Variants in MDM4 observed in about 807,000 individuals in gnomAD.
The protein encoded by MDM4 is protein Mdm4.
Under a neutral mutation model 60.2 loss-of-function variants are expected in MDM4, and 2 were observed. The ratio of observed to expected loss-of-function variants is 0.03; its 90% CI spans 0.01 to 0.10. MDM4 has a LOEUF of 0.10. Ranked by LOEUF, MDM4 falls within the 10% of genes least tolerant of loss-of-function variation. The pLI, the probability that MDM4 is intolerant of heterozygous loss-of-function variation, is 1.00. For missense variants in MDM4, 447 were observed against 577.5 expected, an observed-to-expected ratio of 0.77 and a Z score of 2.32; for synonymous variants, 202 against 198.1, an observed-to-expected ratio of 1.02 and a Z score of -0.17.
At chr1:204,547,608 A>G (rs1337350857) in intron 10 of MDM4, among the ~76,000 whole-genome samples, 1 of 152,210 alleles carries the variant, frequency 6.6e-6, no homozygotes, top group African/African-American at 2.4e-5. Context: ...CCACCACACC[A>G]CTGTTGAGCA....
intron 1 of MDM4, among the ~76,000 whole-genome samples, chr1:204,517,628 C>T (rs7546645): frequency 6.1e-4 from 93 of 152,138 alleles, no homozygotes; most frequent in African/African-American, 2.1e-3. Context: ...TCTCGAACTC[C>T]AGACCTCAGG....
intron 3 of MDM4, chr1:204,529,179 G>A (rs1572471807): frequency 3.6e-6 from 3 of 822,988 alleles, no homozygotes; most frequent in Non-Finnish European, 6.2e-6. Context: ...AGAAGCCGTA[G>A]ACATTTATGT....
chr1:204,538,090 CTCTT>C (rs1661601490), intron 6 of MDM4, 115 bp from the exon 7 acceptor site: 2 of 768,176 alleles, frequency 2.6e-6, no homozygotes, highest in East Asian at 2.4e-5. Context: ...AACTTGAGTT[CTCTT>C]TCTTGTGTGT....
At position 204,544,550 on chromosome 1, in the gene MDM4, A is replaced by G. The variant is rs114818444; in HGVS notation, c.688A>G (p.Ile230Val). The G allele has an allele frequency of 2.0e-5, 33 of 1,610,628 alleles. No homozygotes were observed. The highest frequency in any genetic ancestry group is 2.6e-5 in the Non-Finnish European group (31 of 1,177,770). Residue 230 changes from isoleucine (I) to valine (V), a missense_variant, in exon 9 of 11, where the codon ATT becomes GTT. Physicochemically the swap from Ile to Val is conservative, Grantham distance 29. Coordinates refer to ENST00000367182, the MANE Select transcript of MDM4 (RefSeq NM_002393.5). The stretch of plus-strand genomic sequence containing the variant: ...TTTCTGTTAGGATGTGGGTACTGCC[A>G]TTGTTTCAGATACTACAGATGACTT... Reference protein sequence around the residue: ...LQTNQDVGTAIVSDTTDDLWF... With the variant: ...LQTNQDVGTAVVSDTTDDLWF...
intron 7 of MDM4, among the ~76,000 whole-genome samples, chr1:204,540,942 C>T (rs1662009684): frequency 6.6e-6 from 1 of 152,092 alleles, no homozygotes; most frequent in Admixed American, 6.6e-5. Flanking sequence ...ACTTTGGCTG[C>T]TGAAGTTATT....
intron 6 of MDM4, chr1:204,537,969 T>C (rs1661588562): frequency 1.4e-6 from 1 of 736,506 alleles, no homozygotes; most frequent in African/African-American, 1.7e-5. Context: ...TTTTTAACAG[T>C]AGATTTTGGC....
Position 204,529,629 on chromosome 1 carries a change from C to A in MDM4, c.154-1055C>A, listed in dbSNP as rs957013769. 4.8e-6 allele frequency: 5 copies of A among 1,042,296 alleles called. No homozygotes were observed. In the African/African-American group the frequency reaches 4.9e-5, roughly 10 times the overall value. The allele number at this position is 1,042,296 out of a possible 1,614,324, so 64.6% of individuals were successfully genotyped here. On this transcript the variant is annotated intron_variant, in intron 3 of 10. Coordinates refer to ENST00000367182, the MANE Select transcript of MDM4 (RefSeq NM_002393.5). ...GGGGGGGGTCCAAGGTAGTAGCTACCCGGAGGGGTTCCTGGCGCTTGCCCT... is the reference window on the plus strand; with the variant it reads ...GGGGGGGGTCCAAGGTAGTAGCTACACGGAGGGGTTCCTGGCGCTTGCCCT...
At chr1:204,546,692 A>G (rs1662694541) in intron 9 of MDM4, 105 bp from the exon 10 acceptor site, 5 of 700,322 alleles carry the variant, frequency 7.1e-6, no homozygotes, top group Non-Finnish European at 1.2e-5. Flanking sequence ...GAGATGGGAG[A>G]AGAATGTGAG....
intron 3 of MDM4, chr1:204,528,846 C>G (rs1660532569): frequency 6.5e-7 from 1 of 1,546,090 alleles, no homozygotes; most frequent in East Asian, 2.3e-5. Context: ...TGGGTTGGGT[C>G]ATAGCATCCG....
chr1:204,549,508 C>G lies in MDM4; in HGVS notation c.1299C>G (p.Leu433=), dbSNP rs2102458302. 2 of 1,611,412 alleles carry G rather than the reference C, an allele frequency of 1.2e-6. No individual in the cohort carries two copies. Among genetic ancestry groups the G allele is most frequent in the Non-Finnish European group, 8.5e-7 (1 of 1,179,342 alleles). ...AAAACATGGAGGATTGCCAGAATCT[C>G]TTGAAGCCATGTAGCTTATGTGAGA... The part of the protein sequence containing the change: ...DTENMEDCQN[L]LKPCSLCEKR... Residue 433 remains leucine (L), a synonymous_variant, in exon 11 of 11, where the codon CTC becomes CTG. Coordinates refer to ENST00000367182, the MANE Select transcript of MDM4 (RefSeq NM_002393.5).
In MDM4 at chr1:204,544,493, A is replaced by G. The variant is rs375094262; in HGVS notation, c.673-42A>G. On this transcript the variant is annotated intron_variant, in intron 8 of 10. Coordinates refer to ENST00000367182, the MANE Select transcript of MDM4 (RefSeq NM_002393.5). ...TGTGTTGTTTCAACATCTCTGATAA[A>G]CCTCTGAATACAGAAACTCATGTTT... 5.0e-5 allele frequency: 78 copies of G among 1,566,494 alleles called. No individual in the cohort carries two copies. In the African/African-American group the frequency reaches 1.0e-3, roughly 20 times the overall value.
intron 1 of MDM4, among the ~76,000 whole-genome samples, chr1:204,516,729 C>T (rs978737266): frequency 2.0e-5 from 3 of 152,030 alleles, no homozygotes; most frequent in Admixed American, 2.0e-4. Context: ...GGTGGGGTGA[C>T]GTGAAGTAAC....
intron 3 of MDM4, chr1:204,529,699 A>G: frequency 1.8e-6 from 1 of 544,002 alleles, no homozygotes; most frequent in Non-Finnish European, 3.3e-6. Context: ...TGGCTGTGGC[A>G]ATTCTGACGT....
In MDM4 at chr1:204,539,530, T is replaced by G. The variant is rs561543105; in HGVS notation, c.511+1222T>G. ...TCTGAAAACTTGTTTTTTTTTTTTG[T>G]TTTGTTTTGTTTTTTTTTTTTTGAG... On this transcript the variant is annotated intron_variant, in intron 7 of 10. Transcript: ENST00000367182. Among the ~76,000 whole-genome samples, 1,032 of 145,496 alleles carry G rather than the reference T, an allele frequency of 7.1e-3. 23 individuals are homozygous for G. Among genetic ancestry groups the G allele is most frequent in the Middle Eastern group, 0.021 (6 of 284 alleles).
intron 8 of MDM4, 81 bp downstream of exon 8, chr1:204,543,025 A>G: frequency 8.4e-7 from 1 of 1,191,430 alleles, no homozygotes; most frequent in Non-Finnish European, 1.2e-6. Flanking sequence ...CACACATTAT[A>G]TTCTCTAAGA....
rs189473908 is a variant in MDM4 at position 204,552,862 on chromosome 1, C to G, written c.*3180C>G. On this transcript the variant is annotated 3_prime_UTR_variant, in exon 11 of 11. Transcript: ENST00000367182. ...ACTTGTAGGAAACTTTAAACTATTT[C>G]TTTTCTTTTCTTTTTTTTTTTTTTT... 3.3e-3 allele frequency: 395 copies of G among 118,932 alleles called. No individual in the cohort carries two copies. The highest frequency in any genetic ancestry group is 8.2e-3 in the Admixed American group (81 of 9,928). 7.4% of individuals were successfully genotyped at this position (118,932 alleles called of 1,614,324 possible).
At chr1:204,518,098 G>T (rs1262610981) in intron 1 of MDM4, among the ~76,000 whole-genome samples, 3 of 152,228 alleles carry the variant, frequency 2.0e-5, no homozygotes, top group Admixed American at 6.5e-5. Flanking sequence ...AAAGGCTGCA[G>T]CAAGCCGGGA....
chr1:204,519,776 T>G (rs567732601), intron 1 of MDM4, among the ~76,000 whole-genome samples: 1 of 152,214 alleles, frequency 6.6e-6, no homozygotes, highest in African/African-American at 2.4e-5. Flanking sequence ...ATCACGGCAC[T>G]GCAGTCCAGC....
chr1:204,538,380 C>T (rs751362650), intron 7 of MDM4, 72 bp downstream of exon 7: 34 of 825,864 alleles, frequency 4.1e-5, no homozygotes, highest in African/African-American at 1.0e-4. Flanking sequence ...TTAATCTCTC[C>T]GTATGTGAAG....
Sources: gnomAD v4.1 joint callset for allele counts (sites outside exome capture counted in the v4.1 genomes callset) on GRCh38, gnomAD v4.1.1 for gene constraint, MANE v1.5 for transcripts, NCBI Gene and HGNC (gene_info 2026-07-23, HGNC 2026-07-21) for gene names.